AFF3: variants seen among roughly 807,000 people sequenced by gnomAD.
AFF3 encodes AF4/FMR2 family member 3.
Under a neutral mutation model 129.7 loss-of-function variants are expected in AFF3, and 32 were observed. The observed-to-expected ratio is 0.25, with a 90% CI of 0.19 to 0.33. The LOEUF (loss-of-function observed/expected upper bound fraction) is 0.33, where lower values mean the gene tolerates loss of function less well. Ranked by LOEUF, AFF3 falls within the 10% of genes least tolerant of loss-of-function variation. The pLI, the probability that AFF3 is intolerant of heterozygous loss-of-function variation, is 1.00. For synonymous variants in AFF3, 644 were observed against 635.4 expected (o/e 1.01, Z -0.20); for missense variants, 1,373 against 1,592.0 (o/e 0.86, Z 2.34).
intron 7 of AFF3, among the ~76,000 whole-genome samples, chr2:99,925,588 C>T (rs1402122181): frequency 6.6e-6 from 1 of 152,192 alleles, no homozygotes; most frequent in African/African-American, 2.4e-5. Flanking sequence ...GATGAAAGAA[C>T]AACTCAAAAG....
intron 8 of AFF3, among the ~76,000 whole-genome samples, chr2:99,816,566 T>C (rs1687249526): frequency 6.6e-6 from 1 of 152,196 alleles, no homozygotes; most frequent in Non-Finnish European, 1.5e-5. Flanking sequence ...AAGACTGCTA[T>C]CTGCTTGGCT....
intron 4 of AFF3, among the ~76,000 whole-genome samples, chr2:100,078,050 TC>T (rs1049348985): frequency 5.3e-5 from 8 of 152,296 alleles, no homozygotes; most frequent in Admixed American, 5.2e-4. Context: ...TGGCAAATTT[TC>T]CTTTAAAATG....
At chr2:100,046,240 T>C (rs1685821334) in intron 4 of AFF3, among the ~76,000 whole-genome samples, 1 of 152,186 alleles carries the variant, frequency 6.6e-6, no homozygotes. Flanking sequence ...ACCTACTCTA[T>C]AGTGCTCACA....
chr2:100,133,778 C>T (rs1692526036), intron 1 of AFF3, among the ~76,000 whole-genome samples: 2 of 151,988 alleles, frequency 1.3e-5, no homozygotes, highest in Non-Finnish European at 1.5e-5. Context: ...TAAACATACA[C>T]AAAAATTACC....
chr2:99,666,828 T>C (rs1200036805), intron 12 of AFF3, among the ~76,000 whole-genome samples: 2 of 152,142 alleles, frequency 1.3e-5, no homozygotes, highest in Admixed American at 6.5e-5. Flanking sequence ...TACATAATGA[T>C]AGAAGGGTCA....
At chr2:99,924,875 T>C (rs1696111785) in intron 7 of AFF3, among the ~76,000 whole-genome samples, 1 of 149,206 alleles carries the variant, frequency 6.7e-6, no homozygotes, top group African/African-American at 2.5e-5. Flanking sequence ...AATGATTTAT[T>C]AATTTTTTTT....
chr2:100,065,064 C>T (rs113170919), intron 4 of AFF3, among the ~76,000 whole-genome samples: 3 of 152,198 alleles, frequency 2.0e-5, no homozygotes, highest in Non-Finnish European at 4.4e-5. Flanking sequence ...AATTCACGCA[C>T]ATTTTATACC....
At chr2:99,585,953 A>T (rs1678071022) in intron 16 of AFF3, among the ~76,000 whole-genome samples, 1 of 149,780 alleles carries the variant, frequency 6.7e-6, no homozygotes, top group Non-Finnish European at 1.5e-5. Context: ...CTGGTCTTGA[A>T]CTCCTGACCT....
chr2:99,596,988 A>G (rs1401844657), intron 14 of AFF3, among the ~76,000 whole-genome samples: 1 of 152,168 alleles, frequency 6.6e-6, no homozygotes, highest in African/African-American at 2.4e-5. Context: ...TTATCTCGTA[A>G]TCATCTTTCA....
Position 99,558,965 on chromosome 2 carries a change from G to A in AFF3, c.3195C>T (p.Tyr1065=). 4 of 1,614,162 alleles carry A rather than the reference G, an allele frequency of 2.5e-6. No individual in the cohort carries two copies. The highest frequency in any genetic ancestry group is 1.1e-5 in the South Asian group (1 of 91,088). Residue 1065 remains tyrosine, a synonymous_variant, in exon 22 of 25, where the codon TAC becomes TAT. Transcript: ENST00000672756. ...PEDKQLAALC[Y]RCLALLYWRM... is the part of the protein sequence containing the mutation. ...GCCAGTACAGGAGGGCCAGGCATCG[G>A]TAACTGCAGGCGAAAAGAGAAACAG...
chr2:99,955,048 T>G (rs1676513763), intron 7 of AFF3, among the ~76,000 whole-genome samples: 1 of 152,090 alleles, frequency 6.6e-6, no homozygotes, highest in South Asian at 2.1e-4. Context: ...ATTTCATATA[T>G]TTTTGCAATA....
intron 4 of AFF3, chr2:100,011,640 G>A (rs533877078): frequency 6.1e-5 from 47 of 772,506 alleles, no homozygotes; most frequent in Admixed American, 4.1e-4. Flanking sequence ...GTATCTTAGC[G>A]TGCATGAGTC....
intron 11 of AFF3, among the ~76,000 whole-genome samples, chr2:99,689,120 C>T (rs1025447854): frequency 6.6e-5 from 10 of 152,168 alleles, no homozygotes; most frequent in Admixed American, 2.0e-4. Flanking sequence ...TCCCTTGTGA[C>T]GCTGCTTCGG....
chr2:99,653,626 C>T (rs1685477654), intron 12 of AFF3, among the ~76,000 whole-genome samples: 1 of 152,226 alleles, frequency 6.6e-6, no homozygotes, highest in Non-Finnish European at 1.5e-5. Context: ...GGCAATGCCA[C>T]AGGACTGATG....
chr2:99,597,099 C>G (rs1287701768), intron 14 of AFF3, among the ~76,000 whole-genome samples: 2 of 152,160 alleles, frequency 1.3e-5, no homozygotes, highest in Non-Finnish European at 2.9e-5. Context: ...AGATGAGGCT[C>G]AGAGAGGCTA....
intron 8 of AFF3, among the ~76,000 whole-genome samples, chr2:99,777,383 A>G (rs1279117101): frequency 6.6e-6 from 1 of 152,114 alleles, no homozygotes; most frequent in African/African-American, 2.4e-5. Flanking sequence ...GCCAGTTGAT[A>G]CCACAGTGGC....
At chr2:99,663,757 C>CT (rs1328720226) in intron 12 of AFF3, among the ~76,000 whole-genome samples, 1 of 152,212 alleles carries the variant, frequency 6.6e-6, no homozygotes, top group African/African-American at 2.4e-5. Context: ...TTACTGGAAG[C>CT]TGCAGGCATG....
At chr2:99,889,891 C>G (rs1177643872) in intron 7 of AFF3, among the ~76,000 whole-genome samples, 1 of 152,146 alleles carries the variant, frequency 6.6e-6, no homozygotes, top group Non-Finnish European at 1.5e-5. Context: ...AACTCCCGAC[C>G]TCAGGTGATC....
intron 7 of AFF3, among the ~76,000 whole-genome samples, chr2:99,904,477 A>G (rs914310980): frequency 6.6e-6 from 1 of 152,036 alleles, no homozygotes; most frequent in African/African-American, 2.4e-5. Flanking sequence ...ATTTTGAATT[A>G]ATGTATTTAC....
Sources: allele counts gnomAD v4.1 joint callset (sites outside exome capture counted in the v4.1 genomes callset), GRCh38; gene constraint gnomAD v4.1.1; transcripts MANE v1.5; gene names NCBI Gene and HGNC (gene_info 2026-07-23, HGNC 2026-07-21).